The following MARF1 variants were observed in gnomAD, a reference collection of about 807,000 sequenced individuals.
MARF1 encodes the protein meiosis regulator and mRNA stability factor 1.
In MARF1, 24 loss-of-function variants were observed where a neutral mutation model predicts 168.2. The ratio of observed to expected loss-of-function variants is 0.14; its 90% CI spans 0.10 to 0.20. The LOEUF is 0.20. MARF1 is among the 10% of genes least tolerant of loss of function. MARF1 has a pLI of 1.00. For missense variants in MARF1, 1,744 were observed against 2,143.6 expected, an observed-to-expected ratio of 0.81 and a Z score of 3.68; for synonymous variants, 868 against 822.4, an observed-to-expected ratio of 1.06 and a Z score of -0.95.
chr16:15,635,164 T>C (rs2151294372), intron 3 of MARF1: 5 of 485,096 alleles, frequency 1.0e-5, no homozygotes, highest in South Asian at 4.1e-5. Context: ...GTCAGATCTT[T>C]ACATTCTGGG....
chr16:15,622,713 CAA>C (rs1197648021), intron 11 of MARF1, among the ~76,000 whole-genome samples: 1 of 152,210 alleles, frequency 6.6e-6, no homozygotes, highest in Non-Finnish European at 1.5e-5. Flanking sequence ...CTGCCTAAGA[CAA>C]GAGCTTTTCA....
intron 23 of MARF1, chr16:15,601,267 A>G (rs2032396365): frequency 5.5e-6 from 2 of 362,754 alleles, no homozygotes; most frequent in East Asian, 7.3e-5. Context: ...TACTTCCTCT[A>G]TTCTACTATT....
Position 15,597,496 on chromosome 16 carries a change from G to A in MARF1, c.4985-559C>T, listed in dbSNP as rs550665840. Among the ~76,000 whole-genome samples the A allele has an allele frequency of 2.0e-5, 3 of 152,300 alleles. No individual in the cohort carries two copies. The South Asian group carries it at 6.2e-4, about 32-fold the overall frequency. On this transcript the variant is annotated intron_variant, in intron 26 of 26. Coordinates refer to ENST00000396368, the MANE Select transcript of MARF1 (RefSeq NM_014647.4). ...CAGCCAGCTTTCCCACAGTGCTTCT[G>A]GACTGCCATTTCTGTGGCTGAGCCA...
Position 15,635,875 on chromosome 16 carries a change from A to T in MARF1, c.612T>A (p.Gly204=). 6.2e-7 allele frequency: 1 copy of T among 1,614,200 alleles called. No individual in the cohort carries two copies. Among genetic ancestry groups the T allele is most frequent in the Non-Finnish European group, 8.5e-7 (1 of 1,180,044 alleles). ...CGKLHFQSCH[G]NVHKLHQFPS... ...GAAACTGATGCAGCTTGTGCACATT[A>T]CCATGACATGACTGGAAGTGGAGTT... The change falls in exon 3 of 27, where the codon GGT becomes GGA. Residue 204 remains glycine, a synonymous_variant. Coordinates refer to ENST00000396368, the MANE Select transcript of MARF1 (RefSeq NM_014647.4).
intron 16 of MARF1, among the ~76,000 whole-genome samples, chr16:15,615,395 G>A (rs1026396579): frequency 2.0e-5 from 3 of 152,138 alleles, no homozygotes; most frequent in Admixed American, 1.3e-4. Context: ...GGAGGCGGAG[G>A]CAAGTGGATA....
chr16:15,608,281 A>C lies in MARF1; in HGVS notation c.4182+10T>G, dbSNP rs1567540443. On this transcript the variant is annotated intron_variant, in intron 21 of 26. Transcript: ENST00000396368. ...GAGGGAAAAAAAAAAAAAAAAAAAA[A>C]AACATTTACCTTCACGACATGGCAG... 1.8e-5 allele frequency: 27 copies of C among 1,494,062 alleles called. No homozygotes were observed. Among genetic ancestry groups the C allele is most frequent in the South Asian group, 2.5e-5 (2 of 80,472 alleles). 92.6% of individuals were successfully genotyped at this position (1,494,062 alleles called of 1,614,324 possible). A position where few individuals can be genotyped will look rare whatever the true frequency, so the allele number is the denominator to read the frequency against.
rs914156963 is a variant in MARF1, at chr16:15,617,243, C to T, written c.2957+56G>A. The T allele has an allele frequency of 3.1e-6, 5 of 1,609,720 alleles. No individual in the cohort carries two copies. In the South Asian group the frequency reaches 3.3e-5, roughly 11 times the overall value. On this transcript the variant is annotated intron_variant, in intron 14 of 26. Transcript: ENST00000396368. ...TAAGATGTTCACAAGGTCATCCTAA[C>T]ATGTTCCACAATCTTATAGAAAAGA...
At chr16:15,642,836 G>A (rs1440845246) in intron 1 of MARF1, among the ~76,000 whole-genome samples, 182 bp downstream of exon 1, 1 of 152,162 alleles carries the variant, frequency 6.6e-6, no homozygotes, top group African/African-American at 2.4e-5. Context: ...ACCCGAAAGG[G>A]AGACAAGCCA....
Position 15,596,572 on chromosome 16 carries a change from G to T in MARF1, c.*121C>A. The T allele has an allele frequency of 1.0e-6, 1 of 979,518 alleles. No homozygotes were observed. Among genetic ancestry groups the T allele is most frequent in the African/African-American group, 1.6e-5 (1 of 60,912 alleles). The allele number at this position is 979,518 out of a possible 1,614,324, so 60.7% of individuals were successfully genotyped here. On this transcript the variant is annotated 3_prime_UTR_variant, in exon 27 of 27. Coordinates refer to ENST00000396368, the MANE Select transcript of MARF1 (RefSeq NM_014647.4). ...GAAAAACATGATAGAACACAGGTAA[G>T]ATGAAGTCAATGGCTTCGGGGGGTT...
At chr16:15,639,692 C>A (rs1429958737) in intron 1 of MARF1, among the ~76,000 whole-genome samples, 1 of 151,968 alleles carries the variant, frequency 6.6e-6, no homozygotes. Context: ...TTAGCCACTG[C>A]GCCCGGCCAA....
chr16:15,624,697 C>A, intron 10 of MARF1, 72 bp downstream of exon 10: 1 of 1,436,718 alleles, frequency 7.0e-7, no homozygotes. Flanking sequence ...GAATTCTTTT[C>A]AACAAACATA....
At chr16:15,629,522 C>G (rs1445196171) in intron 7 of MARF1, among the ~76,000 whole-genome samples, 2 of 152,178 alleles carry the variant, frequency 1.3e-5, no homozygotes, top group Non-Finnish European at 2.9e-5. Flanking sequence ...GAAGACTTTG[C>G]ATGAGATCAT....
chr16:15,639,962 CAT>C (rs2035844166), intron 1 of MARF1, among the ~76,000 whole-genome samples: 1 of 152,122 alleles, frequency 6.6e-6, no homozygotes, highest in South Asian at 2.1e-4. Flanking sequence ...GAGAGGTAGC[CAT>C]ATCTTGGAAA....
chr16:15,627,748 C>T (rs933083777), intron 7 of MARF1, among the ~76,000 whole-genome samples: 7 of 152,100 alleles, frequency 4.6e-5, no homozygotes, highest in African/African-American at 7.2e-5. Context: ...AGGATGTGAA[C>T]AATTTACAGA....
At chr16:15,635,570 TATA>T (rs2035536151) in intron 3 of MARF1, 83 bp downstream of exon 3, 1 of 1,211,704 alleles carries the variant, frequency 8.3e-7, no homozygotes, top group Non-Finnish European at 1.2e-6. Context: ...CAACCCCATG[TATA>T]ATACTTTTCA....
chr16:15,640,407 T>C (rs903244397), intron 1 of MARF1, among the ~76,000 whole-genome samples: 1 of 152,208 alleles, frequency 6.6e-6, no homozygotes, highest in African/African-American at 2.4e-5. Context: ...CTTACAGGTC[T>C]TAACAATAAA....
At chr16:15,621,941 T>C (rs540961346) in intron 11 of MARF1, 30 bp from the exon 12 acceptor site, 1 of 1,606,208 alleles carries the variant, frequency 6.2e-7, no homozygotes, top group East Asian at 2.2e-5. Context: ...AACTAAACGC[T>C]ATGTCCGCCC....
chr16:15,612,570 G>C lies in MARF1; in HGVS notation c.3461C>G (p.Pro1154Arg), dbSNP rs908198316. Reference sequence around the variant, plus strand: ...GACACGCCTTACCTGCAATACATGAGGCACTGCTTCTAATAACTCAATCAG... The same window carrying C: ...GACACGCCTTACCTGCAATACATGACGCACTGCTTCTAATAACTCAATCAG... ...SKLIELLEAV[P>R]HVLQILGMGS... The change falls in exon 17 of 27, where the codon CCT becomes CGT. Residue 1154 changes from proline (P) to arginine (R), a missense_variant. By Grantham distance (103) the Pro-to-Arg change is moderately radical. Around this residue, in one of 7 missense-constraint regions of MARF1, gnomAD observed 543 missense variants for 742.1 expected, o/e 0.73. Coordinates refer to ENST00000396368, the MANE Select transcript of MARF1 (RefSeq NM_014647.4). The C allele has an allele frequency of 1.9e-6, 3 of 1,613,844 alleles. No individual in the cohort carries two copies. Among genetic ancestry groups the C allele is most frequent in the Non-Finnish European group, 2.5e-6 (3 of 1,179,732 alleles).
intron 2 of MARF1, among the ~76,000 whole-genome samples, chr16:15,637,801 G>A (rs1443931528): frequency 6.6e-6 from 1 of 152,182 alleles, no homozygotes. Flanking sequence ...CAAATTACTT[G>A]ATGTCTTGCA....
Sources: gnomAD v4.1 joint callset for allele counts (sites outside exome capture counted in the v4.1 genomes callset) on GRCh38, gnomAD v4.1.1 for gene constraint, gnomAD v4.1.1 regional missense constraint, MANE v1.5 for transcripts, NCBI Gene and HGNC (gene_info 2026-07-23, HGNC 2026-07-21) for gene names.